PAX6: variants seen among roughly 807,000 people sequenced by gnomAD.
PAX6 encodes the protein paired box 6.
In PAX6, 7 loss-of-function variants were observed where a neutral mutation model predicts 60.7. The observed-to-expected ratio is 0.12, with a 90% confidence interval of 0.07 to 0.22. PAX6 has a LOEUF of 0.22. Among genes scored for constraint, PAX6 ranks in the 10% least tolerant of loss-of-function variants. The pLI, the probability that PAX6 is intolerant of heterozygous loss-of-function variation, is 1.00. For missense variants in PAX6, 355 were observed against 555.2 expected, an observed-to-expected ratio of 0.64 and a Z score of 3.62; for synonymous variants, 208 against 201.2, an observed-to-expected ratio of 1.03 and a Z score of -0.29.
intron 12 of PAX6, chr11:31,791,127 C>G (rs1949816536): frequency 1.9e-6 from 1 of 531,216 alleles, no homozygotes; most frequent in Non-Finnish European, 3.4e-6. Context: ...TTGCCACTAT[C>G]CATAAATTAA....
upstream of PAX6, chr11:31,811,739 C>G (rs1356192687): frequency 6.6e-6 from 1 of 152,542 alleles, no homozygotes; most frequent in East Asian, 1.9e-4. Flanking sequence ...CCCGCCCCCG[C>G]CCGCCCCCAC....
chr11:31,815,802 A>G (rs1806186), upstream of PAX6, among the ~76,000 whole-genome samples: 1,603 of 151,570 alleles, frequency 0.011, 29 homozygotes, highest in African/African-American at 0.038. Flanking sequence ...TTTCAATTTG[A>G]AAACAATTCG....
chr11:31,802,109 G>T, intron 5 of PAX6, 197 bp from the exon 6 acceptor site: 1 of 588,166 alleles, frequency 1.7e-6, no homozygotes, highest in Non-Finnish European at 3.0e-6. Context: ...TCAAAACGAA[G>T]TAGATAAATT....
At chr11:31,800,940 A>C in intron 7 of PAX6, 84 bp from the exon 8 acceptor site, 3 of 1,419,544 alleles carry the variant, frequency 2.1e-6, no homozygotes, top group East Asian at 2.3e-5. Context: ...CAACCTTAAA[A>C]AGCAACTCTC....
At chr11:31,812,556 C>T (rs1388101993), upstream of PAX6, 1 of 152,304 alleles carries the variant, frequency 6.6e-6, no homozygotes, top group Non-Finnish European at 1.5e-5. Flanking sequence ...TTGAATGCCG[C>T]ACGATTAGGA....
intron 8 of PAX6, among the ~76,000 whole-genome samples, chr11:31,799,466 G>A (rs938027456): frequency 6.6e-6 from 1 of 152,212 alleles, no homozygotes; most frequent in African/African-American, 2.4e-5. Context: ...GCCGAATCGT[G>A]TCCAGAGGTC....
upstream of PAX6, chr11:31,814,214 AC>A (rs1957265681): frequency 6.6e-6 from 1 of 151,986 alleles, no homozygotes; most frequent in African/African-American, 2.4e-5. Context: ...GGGTCGTCCC[AC>A]CCGGTAGCGG....
chr11:31,792,264 C>A (rs1040176571), intron 12 of PAX6: 1 of 152,204 alleles, frequency 6.6e-6, no homozygotes, highest in African/African-American at 2.4e-5. Flanking sequence ...AAAATTCCAA[C>A]GCAGTTATAG....
At chr11:31,803,222 A>G (rs1954694192) in intron 4 of PAX6, 2 of 268,984 alleles carry the variant, frequency 7.4e-6, no homozygotes, top group Admixed American at 9.3e-5. Flanking sequence ...CAGTGTCCCC[A>G]GCCCACTGCC....
chr11:31,807,344 CA>C (rs1956065760), intron 2 of PAX6: 1 of 152,608 alleles, frequency 6.6e-6, no homozygotes, highest in African/African-American at 2.4e-5. Context: ...TGCCGGAGAG[CA>C]TAGGCTGGAG....
chr11:31,789,564 A>G lies in PAX6; in HGVS notation c.*370T>C, dbSNP rs1949090952. On this transcript the variant is annotated 3_prime_UTR_variant, in exon 14 of 14. Coordinates refer to ENST00000640368, the MANE Select transcript of PAX6 (RefSeq NM_001368894.2). Reference sequence around the variant, plus strand: ...AAATTCGTGGCAAAGCTTGTTGATCATGGTTTTCTTTTTAAAAAAAAAAAA... The same window carrying G: ...AAATTCGTGGCAAAGCTTGTTGATCGTGGTTTTCTTTTTAAAAAAAAAAAA... 6.6e-6 allele frequency: 4 copies of G among 604,010 alleles called. No individual in the cohort carries two copies. The highest frequency in any genetic ancestry group is 3.1e-5 in the Admixed American group (1 of 32,536). 37.4% of individuals were successfully genotyped at this position (604,010 alleles called of 1,614,324 possible). A position where few individuals can be genotyped will look rare whatever the true frequency, so the allele number is the denominator to read the frequency against.
At chr11:31,806,306 G>C (rs1339492820) in intron 4 of PAX6, 96 bp downstream of exon 4, 13 of 1,441,884 alleles carry the variant, frequency 9.0e-6, no homozygotes, top group Non-Finnish European at 1.2e-5. Flanking sequence ...GTCGGCGGCC[G>C]GGCCAGCGCG....
At chr11:31,817,960 G>T (rs1383428408), upstream of PAX6, 2 of 152,700 alleles carry the variant, frequency 1.3e-5, no homozygotes, top group African/African-American at 2.4e-5. Context: ...AGAAAAGAGG[G>T]TGCTCAGGCA....
intron 1 of PAX6, chr11:31,816,605 G>A (rs1021865010): frequency 2.8e-6 from 2 of 702,580 alleles, no homozygotes; most frequent in Admixed American, 2.0e-5. Context: ...CAGCTCCAGG[G>A]AGAGGAACCC....
At chr11:31,813,626 A>C (rs979490764), upstream of PAX6, among the ~76,000 whole-genome samples, 2 of 152,190 alleles carry the variant, frequency 1.3e-5, no homozygotes, top group East Asian at 3.9e-4. Context: ...AAAGGCAAGG[A>C]GCGAGGAGTG....
In PAX6 at chr11:31,800,722, C is replaced by G. The variant is rs764207199; in HGVS notation, c.534G>C (p.Pro178=). Residue 178 remains proline (P), a synonymous_variant, in exon 8 of 14, where the codon CCG becomes CCC. Transcript: ENST00000640368. ...GSWGTRPGWY[P]GTSVPGQPTQ... is the part of the protein sequence containing the mutation. ...TAGGTTGCCCTGGCACCGAAGTCCC[C>G]GGATACCAACCAGGGCGGGTGCCCC... 1 of 1,614,188 alleles carries G rather than the reference C, an allele frequency of 6.2e-7. No homozygotes were observed.
intron 12 of PAX6, chr11:31,792,955 C>T: frequency 7.7e-6 from 3 of 387,288 alleles, no homozygotes; most frequent in Non-Finnish European, 1.4e-5. Context: ...AATATGAATC[C>T]CATTTCTGAT....
intron 8 of PAX6, among the ~76,000 whole-genome samples, chr11:31,798,879 C>T (rs1308751496): frequency 6.6e-6 from 1 of 152,224 alleles, no homozygotes; most frequent in Non-Finnish European, 1.5e-5. Flanking sequence ...CGGCTTCTGC[C>T]CAACTCCAAG....
upstream of PAX6, among the ~76,000 whole-genome samples, chr11:31,813,840 T>A (rs1957247263): frequency 1.3e-5 from 2 of 152,128 alleles, no homozygotes; most frequent in South Asian, 4.2e-4. Flanking sequence ...CTCTCTGGAC[T>A]GGTCTCAAGG....
Sources: gnomAD v4.1 joint callset for allele counts (sites outside exome capture counted in the v4.1 genomes callset) on GRCh38, gnomAD v4.1.1 for gene constraint, MANE v1.5 for transcripts, NCBI Gene and HGNC (gene_info 2026-07-23, HGNC 2026-07-21) for gene names.